ATP2C2: variants seen among roughly 807,000 people sequenced by gnomAD.
ATP2C2 encodes ATPase secretory pathway Ca2+ transporting 2.
Under a neutral mutation model 110.8 loss-of-function variants are expected in ATP2C2, and 171 were observed. The observed-to-expected ratio is 1.54, with a 90% CI of 1.36 to 1.75. The LOEUF (loss-of-function observed/expected upper bound fraction) is 1.75. Ranked by LOEUF, ATP2C2 falls within the 40% of genes most tolerant of loss-of-function variation. The pLI is 0.00. For synonymous variants in ATP2C2, 804 were observed against 508.4 expected (o/e 1.58, Z -7.82); for missense variants, 1,963 against 1,235.0 (o/e 1.59, Z -8.84).
intron 17 of ATP2C2, among the ~76,000 whole-genome samples, chr16:84,450,937 C>A (rs1321903307): frequency 1.3e-5 from 2 of 152,112 alleles, no homozygotes; most frequent in South Asian, 4.1e-4. Flanking sequence ...CTCACATGTC[C>A]CATTCTGGGC....
intron 11 of ATP2C2, among the ~76,000 whole-genome samples, chr16:84,435,105 C>T (rs1330730852): frequency 6.6e-6 from 1 of 152,222 alleles, no homozygotes; most frequent in African/African-American, 2.4e-5. Flanking sequence ...CATTCACAAC[C>T]ATTCTATTCA....
intron 4 of ATP2C2, among the ~76,000 whole-genome samples, chr16:84,409,126 C>T (rs187431940): frequency 1.3e-5 from 2 of 152,262 alleles, no homozygotes; most frequent in East Asian, 1.9e-4. Context: ...TGGATTCAGA[C>T]GGATGAGTTC....
intron 6 of ATP2C2, among the ~76,000 whole-genome samples, chr16:84,412,396 G>GCA (rs1906422562): frequency 1.4e-5 from 2 of 144,182 alleles, no homozygotes; most frequent in Non-Finnish European, 3.1e-5. Context: ...ATGTGTCTGT[G>GCA]TGTGTCTGTG....
chr16:84,440,930 C>G lies in ATP2C2; in HGVS notation c.1283C>G (p.Ser428Cys), dbSNP rs1396920026. The change falls in exon 14 of 27, where the codon TCC becomes TGC. Residue 428 changes from serine (S) to cysteine (C), a missense_variant. By Grantham distance (112) the Ser-to-Cys change is moderately radical. Transcript: ENST00000262429. ...LPSKEVIKEF[S>C]NVSVGKLVEA... ...TCCAAGGAAGTCATTAAGGAATTTT[C>G]CAATGTCTCAGTGGGAAAGTTAGTG... 1 of 1,613,088 alleles carries G rather than the reference C, an allele frequency of 6.2e-7. No individual in the cohort carries two copies. The highest frequency in any genetic ancestry group is 1.1e-5 in the South Asian group (1 of 90,486).
chr16:84,435,332 G>C (rs184717383), intron 11 of ATP2C2, among the ~76,000 whole-genome samples: 1 of 152,314 alleles, frequency 6.6e-6, no homozygotes, highest in East Asian at 1.9e-4. Context: ...ACAATCAACT[G>C]TCTTAGCTCT....
chr16:84,397,441 C>G (rs1444713424), intron 1 of ATP2C2, among the ~76,000 whole-genome samples: 1 of 151,486 alleles, frequency 6.6e-6, no homozygotes, highest in African/African-American at 2.4e-5. Context: ...CCTACTCTGT[C>G]CACTTACAAG....
intron 7 of ATP2C2, among the ~76,000 whole-genome samples, chr16:84,419,149 A>G (rs1156904619): frequency 7.5e-6 from 1 of 133,134 alleles, no homozygotes; most frequent in Non-Finnish European, 1.6e-5. Flanking sequence ...GTGGGGTTTT[A>G]GTGAGCCGAG....
intron 7 of ATP2C2, among the ~76,000 whole-genome samples, chr16:84,421,139 A>T (rs1009274302): frequency 7.2e-5 from 11 of 152,252 alleles, no homozygotes; most frequent in African/African-American, 2.6e-4. Context: ...CCAGCCAGGT[A>T]TTTTCCAGAA....
intron 1 of ATP2C2, among the ~76,000 whole-genome samples, chr16:84,384,788 G>A (rs968568267): frequency 7.9e-5 from 12 of 152,182 alleles, no homozygotes; most frequent in African/African-American, 2.9e-4. Context: ...GGTGGCTCAT[G>A]CCTGTAATCC....
intron 26 of ATP2C2, chr16:84,462,609 G>A (rs416330): frequency 0.23 from 35,528 of 155,354 alleles, 4,401 homozygotes; most frequent in South Asian, 0.43. Context: ...AAGGGCACAC[G>A]CCCTGGTGTG....
At chr16:84,422,002 C>T (rs34579813) in intron 7 of ATP2C2, among the ~76,000 whole-genome samples, 23,983 of 151,946 alleles carry the variant, frequency 0.16, 2,020 homozygotes, top group South Asian at 0.27. Context: ...TAACCTGGCT[C>T]GGTTATTGTG....
In ATP2C2 at chr16:84,464,009, C is replaced by G; in HGVS notation, c.*277C>G. On this transcript the variant is annotated 3_prime_UTR_variant, in exon 27 of 27. Transcript: ENST00000262429. ...TCACAATGATTTTTATTAACCATGT[C>G]TAACTACGTATCTGTGCCACAGCTT... The G allele has an allele frequency of 3.0e-6, 1 of 334,536 alleles. No individual in the cohort carries two copies. 20.7% of individuals were successfully genotyped at this position (334,536 alleles called of 1,614,324 possible). A position where few individuals can be genotyped will look rare whatever the true frequency, so the allele number is the denominator to read the frequency against.
intron 23 of ATP2C2, 147 bp downstream of exon 23, chr16:84,459,533 C>A: frequency 1.3e-6 from 2 of 1,548,044 alleles, no homozygotes; most frequent in Non-Finnish European, 1.7e-6. Context: ...AAGTGTGTTG[C>A]ACTGCAGTGA....
chr16:84,411,098 G>C (rs902312369), intron 6 of ATP2C2, among the ~76,000 whole-genome samples: 35 of 152,106 alleles, frequency 2.3e-4, no homozygotes, highest in African/African-American at 8.0e-4. Flanking sequence ...TTTTTCTAGG[G>C]AGAGGGTCTG....
intron 7 of ATP2C2, among the ~76,000 whole-genome samples, chr16:84,421,667 A>C (rs1320137640): frequency 6.6e-6 from 1 of 152,192 alleles, no homozygotes; most frequent in East Asian, 1.9e-4. Context: ...CGGTTTTGCA[A>C]GATGGTTAAG....
At chr16:84,459,463 C>T (rs1252300664) in intron 23 of ATP2C2, 77 bp downstream of exon 23, 2 of 1,604,186 alleles carry the variant, frequency 1.2e-6, no homozygotes, top group Non-Finnish European at 1.7e-6. Flanking sequence ...CTGGCTGTGC[C>T]CCAAGGCTAT....
At chr16:84,455,103 T>A (rs1910675462) in intron 21 of ATP2C2, 119 bp downstream of exon 21, 1 of 1,319,396 alleles carries the variant, frequency 7.6e-7, no homozygotes. Flanking sequence ...CAGGGAGAGC[T>A]GAATCTCGGG....
chr16:84,392,642 T>TA (rs1904730440), intron 1 of ATP2C2, among the ~76,000 whole-genome samples: 1 of 152,162 alleles, frequency 6.6e-6, no homozygotes, highest in Non-Finnish European at 1.5e-5. Context: ...CTTATATTTT[T>TA]AGTAGAGATG....
chr16:84,368,636 C>T lies in ATP2C2; in HGVS notation c.21C>T (p.Ser7=), dbSNP rs769375498. ...TCACCATGGTCGAGGGACGCGTCTC[C>T]GAGTTCCTGAAGAAACTCGGCTTCT... is the stretch of plus-strand genomic sequence containing the variant. MVEGRV[S]EFLKKLGFSG... Residue 7 remains serine, a synonymous_variant, in exon 1 of 27, where the codon TCC becomes TCT. Coordinates refer to ENST00000262429, the MANE Select transcript of ATP2C2 (RefSeq NM_014861.4). 4 of 1,563,870 alleles carry T rather than the reference C, an allele frequency of 2.6e-6. No individual in the cohort carries two copies. The highest frequency in any genetic ancestry group is 1.7e-6 in the Non-Finnish European group (2 of 1,155,554).
Sources: gnomAD v4.1 joint callset for allele counts (sites outside exome capture counted in the v4.1 genomes callset) on GRCh38, gnomAD v4.1.1 for gene constraint, MANE v1.5 for transcripts, NCBI Gene and HGNC (gene_info 2026-07-23, HGNC 2026-07-21) for gene names.